SLC5A1: variants seen among roughly 807,000 people sequenced by gnomAD.
The protein encoded by SLC5A1 is sodium/glucose cotransporter 1.
SLC5A1 carries 42 observed loss-of-function variants against 73.5 expected under a neutral mutation model. The ratio of observed to expected loss-of-function variants is 0.57; its 90% confidence interval spans 0.45 to 0.74. SLC5A1 has a LOEUF of 0.74. SLC5A1 is among the 30% of genes least tolerant of loss of function. The pLI, the probability that SLC5A1 is intolerant of heterozygous loss-of-function variation, is 0.00. For missense variants in SLC5A1, 634 were observed against 855.4 expected (o/e 0.74, Z 3.23); for synonymous variants, 300 against 317.4 (o/e 0.95, Z 0.58).
chr22:32,099,041 C>T (rs1312108008), intron 11 of SLC5A1, 142 bp from the exon 12 acceptor site: 2 of 175,824 alleles, frequency 1.1e-5, no homozygotes, highest in Non-Finnish European at 2.1e-5. Context: ...AGCGGAGATG[C>T]ACCGCTGCAC....
intron 11 of SLC5A1, among the ~76,000 whole-genome samples, chr22:32,095,518 G>A (rs1033708938): frequency 2.6e-5 from 4 of 152,156 alleles, no homozygotes; most frequent in South Asian, 2.1e-4. Flanking sequence ...ATACATTTGG[G>A]AGGTCCAGTG....
At chr22:32,071,696 C>T (rs2093983144) in intron 5 of SLC5A1, among the ~76,000 whole-genome samples, 1 of 152,010 alleles carries the variant, frequency 6.6e-6, no homozygotes, top group Non-Finnish European at 1.5e-5. Context: ...TTGTTCTCCC[C>T]TATCCAGCAC....
chr22:32,045,250 C>T (rs1011222384), intron 1 of SLC5A1, among the ~76,000 whole-genome samples: 11 of 152,176 alleles, frequency 7.2e-5, no homozygotes, highest in Non-Finnish European at 8.8e-5. Flanking sequence ...GTTCTCTTAA[C>T]CAATCTCATT....
intron 14 of SLC5A1, 25 bp from the exon 15 acceptor site, chr22:32,109,965 A>G (rs1274897547): frequency 6.2e-7 from 1 of 1,601,726 alleles, no homozygotes; most frequent in Non-Finnish European, 8.6e-7. Context: ...TCTGTGTCCA[A>G]TAATTCTTCT....
chr22:32,063,894 A>T (rs1463203561), intron 2 of SLC5A1, among the ~76,000 whole-genome samples: 3 of 152,098 alleles, frequency 2.0e-5, no homozygotes, highest in Non-Finnish European at 4.4e-5. Context: ...AATAGAAATG[A>T]ATAGAACCTG....
At chr22:32,065,478 C>A (rs77407792) in intron 2 of SLC5A1, among the ~76,000 whole-genome samples, 6,814 of 152,222 alleles carry the variant, frequency 0.045, 206 homozygotes, top group Non-Finnish European at 0.07. Context: ...CCTTCTCAGA[C>A]TCTTCAATCT....
At chr22:32,096,178 G>C (rs939671526) in intron 11 of SLC5A1, among the ~76,000 whole-genome samples, 9 of 152,098 alleles carry the variant, frequency 5.9e-5, no homozygotes, top group African/African-American at 2.2e-4. Flanking sequence ...ATTTAGTCCT[G>C]CCTCCTGTCT....
intron 5 of SLC5A1, 71 bp downstream of exon 5, chr22:32,068,671 C>T (rs937619386): frequency 1.9e-6 from 2 of 1,036,254 alleles, no homozygotes; most frequent in Non-Finnish European, 1.5e-6. Context: ...ACATGCTGCC[C>T]ACCAAGAGGC....
At chr22:32,077,320 C>T (rs1211423476) in intron 5 of SLC5A1, among the ~76,000 whole-genome samples, 7 of 149,616 alleles carry the variant, frequency 4.7e-5, no homozygotes, top group African/African-American at 1.7e-4. Context: ...CCTTCCCTCC[C>T]CCTTCCTCTC....
At chr22:32,049,680 G>A (rs1465594869) in intron 1 of SLC5A1, among the ~76,000 whole-genome samples, 1 of 151,966 alleles carries the variant, frequency 6.6e-6, no homozygotes, top group African/African-American at 2.4e-5. Context: ...GTGACTTGCT[G>A]GAAGTGATAC....
Position 32,113,002 on chromosome 22 carries a change from T to TA in SLC5A1, c.*2795dup, listed in dbSNP as rs1484061002. On this transcript the variant is annotated 3_prime_UTR_variant, in exon 15 of 15. Transcript: ENST00000266088. ...TATATATAATTATTATTTGTGAATT[T>TA]AAAAAATAAAAATAATTTCCAAAAA... The TA allele has an allele frequency of 6.6e-6, 1 of 152,136 alleles. No individual in the cohort carries two copies. Among genetic ancestry groups the TA allele is most frequent in the East Asian group, 1.9e-4 (1 of 5,202 alleles). 9.4% of individuals were successfully genotyped at this position (152,136 alleles called of 1,614,324 possible). A position where few individuals can be genotyped will look rare whatever the true frequency, so the allele number is the denominator to read the frequency against.
At chr22:32,065,095 C>T (rs1230167085) in intron 2 of SLC5A1, among the ~76,000 whole-genome samples, 2 of 152,122 alleles carry the variant, frequency 1.3e-5, no homozygotes, top group African/African-American at 4.8e-5. Flanking sequence ...AGGCACGCAC[C>T]ACCATGCCCA....
intron 5 of SLC5A1, among the ~76,000 whole-genome samples, chr22:32,077,916 G>GT (rs1314633767): frequency 2.0e-5 from 3 of 152,144 alleles, no homozygotes; most frequent in Non-Finnish European, 4.4e-5. Flanking sequence ...TAGGAAAAAT[G>GT]TAACATTGGC....
At chr22:32,050,808 G>T (rs1375213332) in intron 2 of SLC5A1, among the ~76,000 whole-genome samples, 1 of 152,236 alleles carries the variant, frequency 6.6e-6, no homozygotes, top group Non-Finnish European at 1.5e-5. Flanking sequence ...ATCTGGGCTG[G>T]GAGGTCCCCG....
chr22:32,045,749 T>C (rs1253193909), intron 1 of SLC5A1, among the ~76,000 whole-genome samples: 2 of 152,238 alleles, frequency 1.3e-5, no homozygotes, highest in Non-Finnish European at 2.9e-5. Context: ...CCTATCAGTT[T>C]GTTTCTTAGG....
At chr22:32,108,268 T>C (rs1259201933) in intron 14 of SLC5A1, among the ~76,000 whole-genome samples, 1 of 152,004 alleles carries the variant, frequency 6.6e-6, no homozygotes, top group African/African-American at 2.4e-5. Flanking sequence ...GCCCTGCTAA[T>C]TTTTTTGTAT....
chr22:32,078,031 T>C (rs1325811077), intron 5 of SLC5A1, among the ~76,000 whole-genome samples: 3 of 152,206 alleles, frequency 2.0e-5, no homozygotes, highest in Admixed American at 1.3e-4. Flanking sequence ...AAGTTGCAAT[T>C]AGAATATGCG....
chr22:32,079,367 G>C (rs994470168), intron 5 of SLC5A1, among the ~76,000 whole-genome samples: 1 of 152,214 alleles, frequency 6.6e-6, no homozygotes, highest in African/African-American at 2.4e-5. Context: ...ATTCACCAGG[G>C]AGGTTTCCTT....
At chr22:32,086,564 G>A (rs563635241) in intron 10 of SLC5A1, among the ~76,000 whole-genome samples, 1 of 152,176 alleles carries the variant, frequency 6.6e-6, no homozygotes, top group Non-Finnish European at 1.5e-5. Context: ...GTCAGGCTTG[G>A]AAAGGAGATG....
Sources: gnomAD v4.1 joint callset for allele counts (sites outside exome capture counted in the v4.1 genomes callset) on GRCh38, gnomAD v4.1.1 for gene constraint, MANE v1.5 for transcripts, NCBI Gene and HGNC (gene_info 2026-07-23, HGNC 2026-07-21) for gene names.